The following SLX4 variants were observed in gnomAD, a reference collection of about 807,000 sequenced individuals.
SLX4 encodes structure-specific endonuclease subunit SLX4.
In SLX4, 112 loss-of-function variants were observed where a neutral mutation model predicts 146.2. That is an observed-to-expected ratio of 0.77 (90% CI 0.66 to 0.90). The LOEUF (loss-of-function observed/expected upper bound fraction) is 0.90, where lower values mean the gene tolerates loss of function less well. Ranked by LOEUF, SLX4 falls within the 40% of genes least tolerant of loss-of-function variation. The pLI is 0.00. For missense variants in SLX4, 2,563 were observed against 2,392.7 expected, an observed-to-expected ratio of 1.07 and a Z score of -1.49; for synonymous variants, 1,061 against 997.7, an observed-to-expected ratio of 1.06 and a Z score of -1.20.
chr16:3,604,575 C>G (rs184178197), intron 3 of SLX4, among the ~76,000 whole-genome samples: 20 of 152,144 alleles, frequency 1.3e-4, no homozygotes, highest in African/African-American at 4.3e-4. Flanking sequence ...GTAATCCCAG[C>G]ACTTTGGGAG....
At chr16:3,594,991 G>A (rs1330455564) in intron 9 of SLX4, among the ~76,000 whole-genome samples, 3 of 152,190 alleles carry the variant, frequency 2.0e-5, no homozygotes, top group African/African-American at 4.8e-5. Context: ...CAAGCAGCTC[G>A]GGGACCTGGC....
Position 3,582,114 on chromosome 16 carries a change from G to A in SLX4, c.*228C>T. 1.7e-6 allele frequency: 1 copy of A among 595,380 alleles called. No homozygotes were observed. The highest frequency in any genetic ancestry group is 2.8e-5 in the East Asian group (1 of 36,056). 36.9% of individuals were successfully genotyped at this position (595,380 alleles called of 1,614,324 possible). A position where few individuals can be genotyped will look rare whatever the true frequency, so the allele number is the denominator to read the frequency against. On this transcript the variant is annotated 3_prime_UTR_variant, in exon 15 of 15. Transcript: ENST00000294008. The stretch of plus-strand genomic sequence containing the variant: ...CGGACAGAGGAAGGGGCTGGAGTCT[G>A]TAAATCCAGTGGGTGACATGCTCCA...
At position 3,591,305 on chromosome 16, in the gene SLX4, C is replaced by A. The variant is rs1482817096; in HGVS notation, c.2333G>T (p.Gly778Val). Residue 778 changes from glycine (G) to valine (V), a missense_variant, in exon 12 of 15, where the codon GGC (glycine) becomes GTC (valine). By Grantham distance (109) the Gly-to-Val change is moderately radical. Coordinates refer to ENST00000294008, the MANE Select transcript of SLX4 (RefSeq NM_032444.4). Reference protein sequence around the residue: ...SELSSLAHRFGVSELVHLCEQ... With the variant: ...SELSSLAHRFVVSELVHLCEQ... ...GCACAGGTGAACGAGCTCACTCACG[C>A]CAAACCTGCAACACGAAACATCGAC... The A allele has an allele frequency of 6.2e-7, 1 of 1,610,962 alleles. No individual in the cohort carries two copies. Among genetic ancestry groups the A allele is most frequent in the Admixed American group, 1.7e-5 (1 of 60,030 alleles).
chr16:3,588,334 C>A (rs988951758), intron 12 of SLX4, among the ~76,000 whole-genome samples: 9 of 152,214 alleles, frequency 5.9e-5, no homozygotes, highest in East Asian at 1.9e-4. Context: ...CAGTACATGA[C>A]CTTCTATGTC....
intron 3 of SLX4, among the ~76,000 whole-genome samples, chr16:3,605,504 T>G (rs2040772345): frequency 1.3e-5 from 2 of 152,096 alleles, no homozygotes; most frequent in African/African-American, 4.8e-5. Context: ...ATTATAGGCA[T>G]GAGCCATCAT....
chr16:3,606,608 A>G lies in SLX4; in HGVS notation c.626T>C (p.Val209Ala), dbSNP rs201985764. ...CTTGAACTGCTGCATTCGCTGTAGG[A>G]CCAATTGTGCTGTGCGGGGTTTGGA... Reference protein sequence around the residue: ...SPSKPRTAQLVLQRMQQFKRA... With the variant: ...SPSKPRTAQLALQRMQQFKRA... The change falls in exon 3 of 15, where the codon GTC becomes GCC. Residue 209 changes from valine (V) to alanine (A), a missense_variant. Coordinates refer to ENST00000294008, the MANE Select transcript of SLX4 (RefSeq NM_032444.4). The G allele has an allele frequency of 6.2e-7, 1 of 1,614,184 alleles. No homozygotes were observed. The highest frequency in any genetic ancestry group is 2.2e-5 in the East Asian group (1 of 44,882).
In SLX4 at chr16:3,602,248, G is replaced by A. The variant is rs776989392; in HGVS notation, c.820C>T (p.Gln274Ter). 6.2e-7 allele frequency: 1 copy of A among 1,614,162 alleles called. No individual in the cohort carries two copies. The highest frequency in any genetic ancestry group is 1.1e-5 in the South Asian group (1 of 91,078). ...GATGCTCCTACCCGTGCAAACTCCTGCTGCAGGGTCAAGGCCACCGCAGCG... is the reference window on the plus strand; with the variant it reads ...GATGCTCCTACCCGTGCAAACTCCTACTGCAGGGTCAAGGCCACCGCAGCG... The part of the protein sequence containing the change: ...SDAAVALTLQ[Q>*]EFARVGASAH... Residue 274 changes from glutamine (Q) to a stop codon, truncating the protein, a stop_gained, in exon 4 of 15, where the codon CAG (glutamine) becomes TAG (stop). Coordinates refer to ENST00000294008, the MANE Select transcript of SLX4 (RefSeq NM_032444.4). LOFTEE classifies it high-confidence loss of function.
chr16:3,593,179 C>G (rs2151127547), intron 10 of SLX4, among the ~76,000 whole-genome samples: 1 of 152,222 alleles, frequency 6.6e-6, no homozygotes, highest in African/African-American at 2.4e-5. Context: ...CCAGCGTATT[C>G]TCCTGCCTCA....
chr16:3,582,878 C>T (rs575944269), intron 14 of SLX4, among the ~76,000 whole-genome samples, 185 bp from the exon 15 acceptor site: 1 of 152,194 alleles, frequency 6.6e-6, no homozygotes, highest in African/African-American at 2.4e-5. Context: ...CCTGCCCCAG[C>T]CAGAAATGTC....
Position 3,589,976 on chromosome 16 carries a change from G to A in SLX4, c.3662C>T (p.Ala1221Val), listed in dbSNP as rs3827530. 0.06 allele frequency: 97,293 copies of A among 1,613,786 alleles called. 3,256 individuals are homozygous for A. Among genetic ancestry groups the A allele is most frequent in the Admixed American group, 0.066 (3,960 of 59,990 alleles). Residue 1221 changes from alanine (A) to valine (V), a missense_variant, in exon 12 of 15, where the codon GCG (alanine) becomes GTG (valine). Physicochemically the swap from Ala to Val is moderately conservative, Grantham distance 64 (BLOSUM62 0). Coordinates refer to ENST00000294008, the MANE Select transcript of SLX4 (RefSeq NM_032444.4). The surrounding 1 kb of genome is among the most constrained non-coding windows in gnomAD (Gnocchi z 6.2). ...EAVLQQEDEG[A>V]LPENRGSLGR... ...CAAAGAGCCCCGATTCTCCGGCAGC[G>A]CCCCCTCATCCTCCTGCTGCAGCAC...
rs202099433 is a variant in SLX4, at chr16:3,583,153, A to T, written c.5097T>A (p.Ser1699=). 1.9e-6 allele frequency: 3 copies of T among 1,614,212 alleles called. No individual in the cohort carries two copies. The Admixed American group carries it at 5.0e-5, about 27-fold the overall frequency. The change falls in exon 14 of 15, where the codon TCT becomes TCA. Residue 1699 remains serine, a synonymous_variant. Transcript: ENST00000294008. ...GLNDDAQIPA[S]QESVATSVDG... Reference sequence around the variant, plus strand: ...CCACAGAGGTGGCCACGGATTCTTGAGAGGCTGGGATCTGGGCGTCATCAT... The same window carrying T: ...CCACAGAGGTGGCCACGGATTCTTGTGAGGCTGGGATCTGGGCGTCATCAT...
rs1272333157 is a variant in SLX4, at chr16:3,608,444, C to T, written c.521G>A (p.Arg174Lys). The T allele has an allele frequency of 9.9e-6, 16 of 1,614,094 alleles. No individual in the cohort carries two copies. The highest frequency in any genetic ancestry group is 1.2e-5 in the Non-Finnish European group (14 of 1,180,058). The change falls in exon 2 of 15, where the codon AGA becomes AAA. Residue 174 changes from arginine to lysine, a missense_variant. Transcript: ENST00000294008. Reference sequence around the variant, plus strand: ...GTACAAATTACCTCTGGTTTTCTCTCTGGAAAGGTTTGGCGATGGTTCTTG... The same window carrying T: ...GTACAAATTACCTCTGGTTTTCTCTTTGGAAAGGTTTGGCGATGGTTCTTG... The part of the protein sequence containing the change: ...NQQEPSPNLS[R>K]EKTRENVPNS...
chr16:3,588,138 G>C (rs2040529044), intron 12 of SLX4, among the ~76,000 whole-genome samples: 1 of 152,206 alleles, frequency 6.6e-6, no homozygotes, highest in African/African-American at 2.4e-5. Context: ...GTGGCATTAA[G>C]TATTCACAAT....
chr16:3,592,542 A>T (rs2040604801), intron 11 of SLX4, among the ~76,000 whole-genome samples, 157 bp downstream of exon 11: 1 of 152,210 alleles, frequency 6.6e-6, no homozygotes, highest in Non-Finnish European at 1.5e-5. Flanking sequence ...CCTGTTCCAC[A>T]GGGTCATCAC....
At chr16:3,600,562 G>GCT (rs1410073621) in intron 5 of SLX4, 1 of 203,490 alleles carries the variant, frequency 4.9e-6, no homozygotes, top group Non-Finnish European at 9.7e-6. Context: ...ATCAAAGAGG[G>GCT]CTCTTTTTCC....
rs181324632 is a variant in SLX4 at position 3,594,699 on chromosome 16, G to A, written c.2014-100C>T. 160 of 1,523,516 alleles carry A rather than the reference G, an allele frequency of 1.1e-4. No individual in the cohort carries two copies. In the Admixed American group the frequency reaches 1.9e-3, roughly 18 times the overall value. 94.4% of individuals were successfully genotyped at this position (1,523,516 alleles called of 1,614,324 possible). A position where few individuals can be genotyped will look rare whatever the true frequency, so the allele number is the denominator to read the frequency against. On this transcript the variant is annotated intron_variant, in intron 9 of 14. Coordinates refer to ENST00000294008, the MANE Select transcript of SLX4 (RefSeq NM_032444.4). ...CATGGAGGTGGCGCTAGGGTGGGCC[G>A]GGAGCCAGGACCTGCATTCTCCTTT...
In SLX4 at chr16:3,590,602, C is replaced by T. The variant is rs760454721; in HGVS notation, c.3036G>A (p.Arg1012=). The part of the protein sequence containing the change: ...SEPEEQSGAV[R]ERGLEVSHRL... ...GATGAGAAACCTCCAGCCCCCTTTC[C>T]CTGACAGCGCCACTTTGTTCCTCGG... Residue 1012 remains arginine (R), a synonymous_variant, in exon 12 of 15, where the codon AGG becomes AGA. Coordinates refer to ENST00000294008, the MANE Select transcript of SLX4 (RefSeq NM_032444.4). This position sits in a 1 kb window ranked among gnomAD's most constrained non-coding sequence, Gnocchi z 4.8. 1.2e-5 allele frequency: 19 copies of T among 1,613,706 alleles called. No individual in the cohort carries two copies. Among genetic ancestry groups the T allele is most frequent in the Non-Finnish European group, 1.6e-5 (19 of 1,179,754 alleles).
At chr16:3,587,154 A>G (rs1048149496) in intron 12 of SLX4, among the ~76,000 whole-genome samples, 18 of 152,182 alleles carry the variant, frequency 1.2e-4, no homozygotes, top group African/African-American at 4.3e-4. Context: ...CCATTTTAAA[A>G]GGGTGGATAT....
rs777304392 is a variant in SLX4, at chr16:3,589,601, G to C, written c.4037C>G (p.Pro1346Arg). 3 of 1,613,618 alleles carry C rather than the reference G, an allele frequency of 1.9e-6. No individual in the cohort carries two copies. The highest frequency in any genetic ancestry group is 2.2e-5 in the South Asian group (2 of 91,080). ...RRQGHRSPSR[P>R]HPGGHPHSSP... ...GGAGTGCGGGTGGCCCCCGGGGTGG[G>C]GACGGGAAGGGCTTCTGTGGCCTTG... The change falls in exon 12 of 15, where the codon CCC (proline) becomes CGC (arginine). Residue 1346 changes from proline to arginine, a missense_variant. By Grantham distance (103) the Pro-to-Arg change is moderately radical. Coordinates refer to ENST00000294008, the MANE Select transcript of SLX4 (RefSeq NM_032444.4). This position sits in a 1 kb window ranked among gnomAD's most constrained non-coding sequence, Gnocchi z 6.2.
Sources: gnomAD v4.1 joint callset for allele counts (sites outside exome capture counted in the v4.1 genomes callset) on GRCh38, gnomAD v4.1.1 for gene constraint, Gnocchi (gnomAD v3.1) non-coding constraint, MANE v1.5 for transcripts, NCBI Gene and HGNC (gene_info 2026-07-23, HGNC 2026-07-21) for gene names.